Variants in LAMA2 observed in about 807,000 individuals in gnomAD.
The protein encoded by LAMA2 is laminin subunit alpha-2.
A neutral mutation model predicts 364.8 loss-of-function variants in LAMA2; 269 were observed. That is an observed-to-expected ratio of 0.74 (90% CI 0.67 to 0.82). The LOEUF (loss-of-function observed/expected upper bound fraction) is 0.82. LAMA2 is among the 40% of genes least tolerant of loss of function. LAMA2 has a pLI of 0.00. For missense variants in LAMA2, 3,807 were observed against 3,873.2 expected, an observed-to-expected ratio of 0.98 and a Z score of 0.45; for synonymous variants, 1,379 against 1,370.6, an observed-to-expected ratio of 1.01 and a Z score of -0.14.
intron 1 of LAMA2, among the ~76,000 whole-genome samples, chr6:129,034,048 T>C (rs1786430704): frequency 6.6e-6 from 1 of 152,036 alleles, no homozygotes; most frequent in Non-Finnish European, 1.5e-5. Context: ...AGACTGAAAA[T>C]GATGTGACCA....
chr6:128,911,248 T>G (rs1777920359), intron 1 of LAMA2, among the ~76,000 whole-genome samples: 1 of 152,172 alleles, frequency 6.6e-6, no homozygotes, highest in African/African-American at 2.4e-5. Context: ...CGCTGCCGCC[T>G]TGCAGTTTGA....
At chr6:129,275,908 T>A (rs2114376479) in intron 17 of LAMA2, among the ~76,000 whole-genome samples, 1 of 152,010 alleles carries the variant, frequency 6.6e-6, no homozygotes, top group Non-Finnish European at 1.5e-5. Flanking sequence ...ACTTAGAAAA[T>A]AAATCAAGTC....
At chr6:128,946,224 A>G (rs975249281) in intron 1 of LAMA2, among the ~76,000 whole-genome samples, 2 of 152,270 alleles carry the variant, frequency 1.3e-5, no homozygotes, top group African/African-American at 4.8e-5. Context: ...AAAGATTAAA[A>G]AGAAATCTAA....
intron 22 of LAMA2, among the ~76,000 whole-genome samples, chr6:129,301,675 A>T (rs1408766851): frequency 6.6e-6 from 1 of 152,098 alleles, no homozygotes; most frequent in East Asian, 1.9e-4. Context: ...AAAGATAATC[A>T]CTTTGCATTT....
At chr6:128,953,835 A>G (rs1429811993) in intron 1 of LAMA2, among the ~76,000 whole-genome samples, 1 of 152,140 alleles carries the variant, frequency 6.6e-6, no homozygotes, top group Non-Finnish European at 1.5e-5. Context: ...TTTTAAAAGA[A>G]GGTAGTTTCT....
chr6:129,011,915 A>C (rs1165095148), intron 1 of LAMA2, among the ~76,000 whole-genome samples: 1 of 152,238 alleles, frequency 6.6e-6, no homozygotes, highest in Non-Finnish European at 1.5e-5. Flanking sequence ...GGTAACAGAC[A>C]AACATTGTAG....
At chr6:129,263,682 A>C (rs1359767243) in intron 15 of LAMA2, among the ~76,000 whole-genome samples, 1 of 152,192 alleles carries the variant, frequency 6.6e-6, no homozygotes, top group Admixed American at 6.6e-5. Context: ...GAACATCATT[A>C]CAAGCCTTTC....
chr6:129,102,837 A>G (rs572475618), intron 4 of LAMA2, among the ~76,000 whole-genome samples: 3 of 152,336 alleles, frequency 2.0e-5, no homozygotes, highest in South Asian at 2.1e-4. Context: ...TAGGGATTCA[A>G]ATTTCTGGGA....
chr6:129,410,763 T>A (rs2040561501), intron 40 of LAMA2, among the ~76,000 whole-genome samples: 1 of 150,690 alleles, frequency 6.6e-6, no homozygotes, highest in African/African-American at 2.4e-5. Context: ...GATAATAGAT[T>A]AGATGATAGA....
rs1784910548 is a variant in LAMA2 at position 129,492,301 on chromosome 6, T to C, written c.8076-14T>C. 1 of 1,612,440 alleles carries C rather than the reference T, an allele frequency of 6.2e-7. No homozygotes were observed. The highest frequency in any genetic ancestry group is 8.5e-7 in the Non-Finnish European group (1 of 1,178,748). On this transcript the variant is annotated splice_polypyrimidine_tract_variant and intron_variant, in intron 57 of 64. Transcript: ENST00000421865. ...AACGAAAATAAAAAAATCTTATTTA[T>C]TACATTCTATTAGCCCCATGGACTT... is the stretch of plus-strand genomic sequence containing the variant.
intron 29 of LAMA2, among the ~76,000 whole-genome samples, chr6:129,329,068 T>G (rs915277945): frequency 1.3e-5 from 2 of 152,204 alleles, no homozygotes; most frequent in African/African-American, 4.8e-5. Flanking sequence ...AACAATCATG[T>G]GTTCCACCCT....
At chr6:129,478,275 A>AT (rs11321357) in intron 53 of LAMA2, among the ~76,000 whole-genome samples, 155 of 151,578 alleles carry the variant, frequency 1.0e-3, no homozygotes, top group Non-Finnish European at 1.8e-3. Context: ...ACGTTTTCAG[A>AT]TTTTTTTTTC....
chr6:129,082,366 A>C (rs1271884710), intron 3 of LAMA2, among the ~76,000 whole-genome samples: 1 of 152,110 alleles, frequency 6.6e-6, no homozygotes. Flanking sequence ...CCTGATTAAG[A>C]ATAGTATAAA....
intron 1 of LAMA2, among the ~76,000 whole-genome samples, chr6:128,885,202 C>T (rs969463484): frequency 6.6e-6 from 1 of 152,160 alleles, no homozygotes; most frequent in Non-Finnish European, 1.5e-5. Flanking sequence ...AGACCATTTA[C>T]AATATATCTG....
chr6:129,229,051 G>T (rs1421443084), intron 12 of LAMA2, among the ~76,000 whole-genome samples: 1 of 152,124 alleles, frequency 6.6e-6, no homozygotes, highest in Non-Finnish European at 1.5e-5. Flanking sequence ...TTGATTGGTG[G>T]TTTGATTCCA....
At chr6:129,450,766 G>A (rs1782635484) in intron 45 of LAMA2, among the ~76,000 whole-genome samples, 1 of 152,182 alleles carries the variant, frequency 6.6e-6, no homozygotes, top group Admixed American at 6.5e-5. Context: ...GCCCCATTCA[G>A]AATTGGATAT....
intron 1 of LAMA2, among the ~76,000 whole-genome samples, chr6:128,992,335 T>G (rs1411233313): frequency 6.6e-6 from 1 of 152,208 alleles, no homozygotes; most frequent in Non-Finnish European, 1.5e-5. Context: ...CAAAAAGTAG[T>G]TAAATGGCTA....
rs555004938 is a variant in LAMA2, at chr6:129,134,544, G to A, written c.640-9357G>A. On this transcript the variant is annotated intron_variant, in intron 4 of 64. Coordinates refer to ENST00000421865, the MANE Select transcript of LAMA2 (RefSeq NM_000426.4). ...TTTTGTGGAAGACAGTTTTTCCATG[G>A]AATTGACAGGGGGGATGGGGAGTGG... Among the ~76,000 whole-genome samples the A allele has an allele frequency of 2.6e-5, 4 of 152,248 alleles. No individual in the cohort carries two copies. In the East Asian group the frequency reaches 5.8e-4, roughly 22 times the overall value.
intron 22 of LAMA2, among the ~76,000 whole-genome samples, chr6:129,303,373 A>G (rs963953499): frequency 6.6e-6 from 1 of 152,132 alleles, no homozygotes; most frequent in Non-Finnish European, 1.5e-5. Flanking sequence ...TAATCATGTC[A>G]TCTGCAAAGA....
Sources: gnomAD v4.1 joint callset for allele counts (sites outside exome capture counted in the v4.1 genomes callset) on GRCh38, gnomAD v4.1.1 for gene constraint, MANE v1.5 for transcripts, NCBI Gene and HGNC (gene_info 2026-07-23, HGNC 2026-07-21) for gene names.